The following ANKIB1 variants were observed in gnomAD, a reference collection of about 807,000 sequenced individuals.
ANKIB1 encodes ankyrin repeat and IBR domain-containing protein 1.
Under a neutral mutation model 122.1 loss-of-function variants are expected in ANKIB1, and 43 were observed. The ratio of observed to expected loss-of-function variants is 0.35; its 90% CI spans 0.28 to 0.45. The LOEUF (loss-of-function observed/expected upper bound fraction) is 0.45, where lower values mean the gene tolerates loss of function less well. Among genes scored for constraint, ANKIB1 ranks in the 20% least tolerant of loss-of-function variants. ANKIB1 has a pLI of 1.00. For missense variants in ANKIB1, 992 were observed against 1,329.5 expected, an observed-to-expected ratio of 0.75 and a Z score of 3.95; for synonymous variants, 390 against 442.0, an observed-to-expected ratio of 0.88 and a Z score of 1.48.
chr7:92,280,448 GCACCCC>G (rs1445695927), intron 1 of ANKIB1, among the ~76,000 whole-genome samples: 2 of 139,476 alleles, frequency 1.4e-5, no homozygotes, highest in Non-Finnish European at 3.1e-5. Flanking sequence ...CGTTTGGAGG[GCACCCC>G]CCCCCCCTTT....
intron 5 of ANKIB1, among the ~76,000 whole-genome samples, chr7:92,340,423 G>A (rs952964829): frequency 3.2e-4 from 48 of 152,048 alleles, no homozygotes; most frequent in African/African-American, 1.1e-3. Flanking sequence ...ACAGTATTTG[G>A]GAATATAATT....
At chr7:92,298,516 A>C (rs887717471) in intron 2 of ANKIB1, among the ~76,000 whole-genome samples, 15 of 152,086 alleles carry the variant, frequency 9.9e-5, no homozygotes, top group African/African-American at 3.1e-4. Flanking sequence ...TAAGTAAGTC[A>C]TTTAGTCCAG....
intron 4 of ANKIB1, among the ~76,000 whole-genome samples, chr7:92,322,703 A>G (rs1802937794): frequency 6.6e-6 from 1 of 152,196 alleles, no homozygotes; most frequent in Admixed American, 6.5e-5. Flanking sequence ...GTCAGAACAT[A>G]CAATCTACAT....
intron 11 of ANKIB1, among the ~76,000 whole-genome samples, chr7:92,384,017 A>G (rs577620731): frequency 1.3e-5 from 2 of 152,358 alleles, no homozygotes; most frequent in African/African-American, 4.8e-5. Context: ...AATCTGCTTA[A>G]GCTGATAGGC....
intron 1 of ANKIB1, among the ~76,000 whole-genome samples, chr7:92,287,742 A>AG (rs1414815734): frequency 6.6e-6 from 1 of 152,126 alleles, no homozygotes; most frequent in East Asian, 1.9e-4. Flanking sequence ...CAAATATAAA[A>AG]GGAAAAAAAA....
Position 92,355,601 on chromosome 7 carries a change from A to G in ANKIB1, c.1397+2959A>G, listed in dbSNP as rs147893938. On this transcript the variant is annotated intron_variant, in intron 9 of 19. Coordinates refer to ENST00000265742, the MANE Select transcript of ANKIB1 (RefSeq NM_019004.2). ...GTGGTGGCTCACGCCTGTAATCCCA[A>G]CACTTTGGGAGGCCGAGGCAGGGGG... is the stretch of plus-strand genomic sequence containing the variant. 6.5e-3 allele frequency among the ~76,000 whole-genome samples: 995 copies of G among 152,056 alleles called. 14 individuals are homozygous for G. Among genetic ancestry groups the G allele is most frequent in the African/African-American group, 0.023 (942 of 41,506 alleles).
intron 2 of ANKIB1, among the ~76,000 whole-genome samples, chr7:92,297,683 T>A (rs1033596849): frequency 6.6e-6 from 1 of 152,088 alleles, no homozygotes; most frequent in Non-Finnish European, 1.5e-5. Flanking sequence ...TTTTTACAAG[T>A]CTCTTCTTAT....
chr7:92,273,539 T>C (rs945682073), intron 1 of ANKIB1, among the ~76,000 whole-genome samples: 3 of 152,216 alleles, frequency 2.0e-5, no homozygotes, highest in African/African-American at 4.8e-5. Context: ...GTGAGAATCA[T>C]TGTTACAGAA....
chr7:92,286,614 G>A (rs943651407), intron 1 of ANKIB1, among the ~76,000 whole-genome samples: 2 of 151,810 alleles, frequency 1.3e-5, no homozygotes, highest in Admixed American at 6.6e-5. Flanking sequence ...CAAGTAGGTG[G>A]GATTACAGGC....
rs1360532504 is a variant in ANKIB1 at position 92,399,931 on chromosome 7, GAA to G, written c.*988_*989del. 6.6e-6 allele frequency: 1 copy of G among 151,976 alleles called. No homozygotes were observed. The highest frequency in any genetic ancestry group is 1.5e-5 in the Non-Finnish European group (1 of 67,968). 9.4% of individuals were successfully genotyped at this position (151,976 alleles called of 1,614,324 possible). A position where few individuals can be genotyped will look rare whatever the true frequency, so the allele number is the denominator to read the frequency against. Reference sequence around the variant, plus strand: ...ACTTTTAATCGTGTTTTATAAAATAGAAAAAAAGTGGAGTTTTCATGAGTTAT... The same window carrying G: ...ACTTTTAATCGTGTTTTATAAAATAGAAAAAGTGGAGTTTTCATGAGTTAT... On this transcript the variant is annotated 3_prime_UTR_variant, in exon 20 of 20. Coordinates refer to ENST00000265742, the MANE Select transcript of ANKIB1 (RefSeq NM_019004.2).
intron 9 of ANKIB1, among the ~76,000 whole-genome samples, chr7:92,359,010 G>A (rs1803885595): frequency 6.6e-6 from 1 of 152,106 alleles, no homozygotes; most frequent in African/African-American, 2.4e-5. Context: ...AGTTATCACA[G>A]GTATCCCTTA....
At chr7:92,344,873 T>A (rs1387718783) in intron 6 of ANKIB1, 105 bp from the exon 7 acceptor site, 1 of 849,434 alleles carries the variant, frequency 1.2e-6, no homozygotes, top group Non-Finnish European at 1.8e-6. Context: ...CAAAAACTTT[T>A]AATTACTGTA....
intron 2 of ANKIB1, among the ~76,000 whole-genome samples, chr7:92,306,033 G>A (rs982382264): frequency 1.1e-4 from 6 of 54,156 alleles, no homozygotes; most frequent in Non-Finnish European, 1.9e-4. Context: ...CCACCACCCC[G>A]CCCCAGGCCA....
At chr7:92,264,155 G>A (rs886926342) in intron 1 of ANKIB1, among the ~76,000 whole-genome samples, 17 of 146,764 alleles carry the variant, frequency 1.2e-4, no homozygotes, top group African/African-American at 1.7e-4. Context: ...AGTGTTTTTC[G>A]TCGTCGTTTT....
At chr7:92,280,931 C>G (rs1310704777) in intron 1 of ANKIB1, among the ~76,000 whole-genome samples, 3 of 152,210 alleles carry the variant, frequency 2.0e-5, no homozygotes, top group Non-Finnish European at 4.4e-5. Flanking sequence ...ACTTCTGACA[C>G]CACTTTTTTC....
At chr7:92,368,561 A>G (rs1238239650) in intron 10 of ANKIB1, among the ~76,000 whole-genome samples, 1 of 152,074 alleles carries the variant, frequency 6.6e-6, no homozygotes, top group African/African-American at 2.4e-5. Context: ...TACTAAAAAT[A>G]CAAAAAAAAA....
At position 92,399,895 on chromosome 7, in the gene ANKIB1, T is replaced by G. The variant is rs971123326; in HGVS notation, c.*946T>G. ...TTTTACAGTGCATTCTAATTACTGATGGGTGCAATTACTTTTAATCGTGTT... is the reference window on the plus strand; with the variant it reads ...TTTTACAGTGCATTCTAATTACTGAGGGGTGCAATTACTTTTAATCGTGTT... On this transcript the variant is annotated 3_prime_UTR_variant, in exon 20 of 20. Coordinates refer to ENST00000265742, the MANE Select transcript of ANKIB1 (RefSeq NM_019004.2). 2.0e-5 allele frequency: 3 copies of G among 152,214 alleles called. No individual in the cohort carries two copies. Among genetic ancestry groups the G allele is most frequent in the African/African-American group, 7.2e-5 (3 of 41,446 alleles). 9.4% of individuals were successfully genotyped at this position (152,214 alleles called of 1,614,324 possible). A position where few individuals can be genotyped will look rare whatever the true frequency, so the allele number is the denominator to read the frequency against.
At position 92,389,111 on chromosome 7, in the gene ANKIB1, T is replaced by A. The variant is rs370631787; in HGVS notation, c.1907-860T>A. Among the ~76,000 whole-genome samples the A allele has an allele frequency of 4.2e-4, 64 of 152,160 alleles. 1 individual carries two copies. In the South Asian group the frequency reaches 0.013, roughly 31 times the overall value. On this transcript the variant is annotated intron_variant, in intron 14 of 19. Coordinates refer to ENST00000265742, the MANE Select transcript of ANKIB1 (RefSeq NM_019004.2). The stretch of plus-strand genomic sequence containing the variant: ...TTGCTTCTATTCAACATTCTGGAGG[T>A]TCCAGGCAGCATAATAAATTAGGGG...
intron 11 of ANKIB1, among the ~76,000 whole-genome samples, chr7:92,381,589 A>G (rs561319366): frequency 2.0e-5 from 3 of 152,334 alleles, no homozygotes; most frequent in Non-Finnish European, 2.9e-5. Flanking sequence ...CTAATATTCA[A>G]CATTCTTAAA....
Sources: allele counts gnomAD v4.1 joint callset (sites outside exome capture counted in the v4.1 genomes callset), GRCh38; gene constraint gnomAD v4.1.1; transcripts MANE v1.5; gene names NCBI Gene and HGNC (gene_info 2026-07-23, HGNC 2026-07-21).